The following FAM168A variants were observed in gnomAD, a reference collection of about 807,000 sequenced individuals.
FAM168A encodes the protein family with sequence similarity 168 member A, also known as protein FAM168A.
In FAM168A, 3 loss-of-function variants were observed where a neutral mutation model predicts 28.5. That is an observed-to-expected ratio of 0.11 (90% CI 0.05 to 0.27). The LOEUF (loss-of-function observed/expected upper bound fraction) is 0.27. FAM168A is among the 10% of genes least tolerant of loss of function. FAM168A has a pLI of 1.00. For missense variants in FAM168A, 222 were observed against 311.5 expected, an observed-to-expected ratio of 0.71 and a Z score of 2.16; for synonymous variants, 122 against 124.2, an observed-to-expected ratio of 0.98 and a Z score of 0.12.
intron 1 of FAM168A, among the ~76,000 whole-genome samples, chr11:73,590,088 A>G (rs1834425024): frequency 6.6e-6 from 1 of 152,124 alleles, no homozygotes; most frequent in African/African-American, 2.4e-5. Context: ...ATTTAGAATA[A>G]TATACTTATT....
chr11:73,584,668 AG>A (rs1432043818), intron 1 of FAM168A, among the ~76,000 whole-genome samples: 1 of 151,528 alleles, frequency 6.6e-6, no homozygotes, highest in African/African-American at 2.4e-5. Flanking sequence ...TAGTAGAGAC[AG>A]GGTTTCACCG....
chr11:73,429,624 C>A (rs1015433097), intron 3 of FAM168A, among the ~76,000 whole-genome samples: 1 of 152,182 alleles, frequency 6.6e-6, no homozygotes, highest in Non-Finnish European at 1.5e-5. Flanking sequence ...CCTTTGTGTG[C>A]TTAAAGAACA....
At chr11:73,474,065 C>A (rs1867853304) in intron 1 of FAM168A, among the ~76,000 whole-genome samples, 1 of 152,130 alleles carries the variant, frequency 6.6e-6, no homozygotes, top group Admixed American at 6.5e-5. Context: ...CCACCTCGAC[C>A]TCCCAAAGTG....
chr11:73,485,540 G>A (rs960748086), intron 1 of FAM168A, among the ~76,000 whole-genome samples: 1 of 152,170 alleles, frequency 6.6e-6, no homozygotes, highest in Non-Finnish European at 1.5e-5. Flanking sequence ...CCGGAAAGCT[G>A]AGCGTTCTTA....
chr11:73,508,961 C>T (rs1007972929), intron 1 of FAM168A, among the ~76,000 whole-genome samples: 1 of 152,238 alleles, frequency 6.6e-6, no homozygotes, highest in African/African-American at 2.4e-5. Flanking sequence ...TTCCCCTGCA[C>T]ATGCTCTCTT....
At chr11:73,432,820 C>T (rs1398130987) in intron 2 of FAM168A, among the ~76,000 whole-genome samples, 3 of 152,070 alleles carry the variant, frequency 2.0e-5, no homozygotes, top group Non-Finnish European at 4.4e-5. Context: ...GAGGCTGGGG[C>T]TGCAGTGAGC....
intron 1 of FAM168A, among the ~76,000 whole-genome samples, chr11:73,556,709 T>C (rs914173483): frequency 2.0e-5 from 3 of 152,118 alleles, no homozygotes; most frequent in Non-Finnish European, 4.4e-5. Flanking sequence ...TTATGTTATA[T>C]GTATTTTACT....
intron 1 of FAM168A, among the ~76,000 whole-genome samples, chr11:73,548,227 T>C (rs1399228513): frequency 6.6e-6 from 1 of 152,208 alleles, no homozygotes; most frequent in East Asian, 1.9e-4. Flanking sequence ...CAGTAAATTT[T>C]ATGTTTTTCA....
intron 1 of FAM168A, among the ~76,000 whole-genome samples, chr11:73,490,092 C>T (rs1868107792): frequency 6.6e-6 from 1 of 152,196 alleles, no homozygotes; most frequent in Non-Finnish European, 1.5e-5. Context: ...CACTGAATTG[C>T]AACTCCATGC....
chr11:73,461,826 T>G (rs1867651895), intron 2 of FAM168A, among the ~76,000 whole-genome samples: 1 of 152,158 alleles, frequency 6.6e-6, no homozygotes, highest in South Asian at 2.1e-4. Context: ...GAAAGAGTAA[T>G]AATGACCTGA....
intron 1 of FAM168A, among the ~76,000 whole-genome samples, chr11:73,593,275 A>C (rs1298857810): frequency 6.6e-6 from 1 of 152,202 alleles, no homozygotes; most frequent in African/African-American, 2.4e-5. Context: ...CTGGGTAGCA[A>C]GTAGAAAAGC....
intron 2 of FAM168A, among the ~76,000 whole-genome samples, chr11:73,436,617 G>C (rs547875126): frequency 1.3e-5 from 2 of 152,272 alleles, no homozygotes; most frequent in South Asian, 4.1e-4. Flanking sequence ...CACTGTGCTA[G>C]GCACTTCTAT....
At chr11:73,438,622 T>C (rs753898814) in intron 2 of FAM168A, among the ~76,000 whole-genome samples, 1 of 152,014 alleles carries the variant, frequency 6.6e-6, no homozygotes, top group Non-Finnish European at 1.5e-5. Flanking sequence ...AATCAAAAAA[T>C]AACAGGAAAA....
intron 1 of FAM168A, among the ~76,000 whole-genome samples, chr11:73,469,607 T>C (rs1867785243): frequency 6.6e-6 from 1 of 152,142 alleles, no homozygotes; most frequent in Admixed American, 6.5e-5. Context: ...GAAAATGCCA[T>C]TGGCCAATTT....
intron 1 of FAM168A, among the ~76,000 whole-genome samples, chr11:73,522,549 G>C (rs893391081): frequency 2.6e-5 from 4 of 151,772 alleles, no homozygotes; most frequent in Non-Finnish European, 5.9e-5. Flanking sequence ...TGTTAGCCAG[G>C]ATGGTACCAA....
intron 2 of FAM168A, among the ~76,000 whole-genome samples, chr11:73,433,076 C>CTTTTTTTTTTTTTTTTTTTTTT (rs34994742): frequency 1.6e-4 from 13 of 80,602 alleles, no homozygotes; most frequent in African/African-American, 8.8e-4. Context: ...CACGCCCCGC[C>CTTTTTTTTTTTTTTTTTTTTTT]TTTTTTTTTT....
At chr11:73,555,919 G>C (rs1164699583) in intron 1 of FAM168A, among the ~76,000 whole-genome samples, 1 of 151,864 alleles carries the variant, frequency 6.6e-6, no homozygotes, top group Non-Finnish European at 1.5e-5. Context: ...AAAAATAGTG[G>C]GCATAAAGAA....
At chr11:73,512,474 TTAGA>T (rs1855244219) in intron 1 of FAM168A, among the ~76,000 whole-genome samples, 1 of 152,054 alleles carries the variant, frequency 6.6e-6, no homozygotes, top group African/African-American at 2.4e-5. Context: ...TATTCTAAAA[TTAGA>T]TAGATGTGAT....
At position 73,500,767 on chromosome 11, in the gene FAM168A, G is replaced by C. The variant is rs145628140; in HGVS notation, c.-18-32275C>G. ...ATATAAAGACAAATGACACTATGAA[G>C]AAACTGCATCAACTAGTATGCAAAA... On this transcript the variant is annotated intron_variant, in intron 1 of 7. Coordinates refer to ENST00000356467, the MANE Select transcript of FAM168A (RefSeq NM_015159.3). Among the ~76,000 whole-genome samples the C allele has an allele frequency of 1.5e-3, 233 of 152,192 alleles. 1 individual carries two copies. The highest frequency in any genetic ancestry group is 5.2e-3 in the African/African-American group (215 of 41,526).
Sources: allele counts gnomAD v4.1 joint callset (sites outside exome capture counted in the v4.1 genomes callset), GRCh38; gene constraint gnomAD v4.1.1; transcripts MANE v1.5; gene names NCBI Gene and HGNC (gene_info 2026-07-23, HGNC 2026-07-21).